SH2D3A: variants seen among roughly 807,000 people sequenced by gnomAD.
SH2D3A encodes the protein SH2 domain-containing protein 3A.
SH2D3A carries 46 observed loss-of-function variants against 50.6 expected under a neutral mutation model. The ratio of observed to expected loss-of-function variants is 0.91; its 90% CI spans 0.72 to 1.16. The LOEUF (loss-of-function observed/expected upper bound fraction) is 1.16, where lower values mean the gene tolerates loss of function less well. Ranked by LOEUF, SH2D3A falls within the 50% of genes most tolerant of loss-of-function variation. The pLI is 0.00. For synonymous variants in SH2D3A, 377 were observed against 348.4 expected (o/e 1.08, Z -0.91); for missense variants, 783 against 786.2 (o/e 1.00, Z 0.05).
chr19:6,754,980 T>A lies in SH2D3A; in HGVS notation c.832A>T (p.Ile278Phe). 6.2e-7 allele frequency: 1 copy of A among 1,613,806 alleles called. No homozygotes were observed. Among genetic ancestry groups the A allele is most frequent in the Non-Finnish European group, 8.5e-7 (1 of 1,179,926 alleles). ...NRCFTRPQAEISFCPHDAPSC... is the reference protein window; with the variant it reads ...NRCFTRPQAEFSFCPHDAPSC... ...GGGGCATCATGGGGGCAGAAAGAGATCTCAGCCTGTGGTCTTGTAAAACAT... is the reference window on the plus strand; with the variant it reads ...GGGGCATCATGGGGGCAGAAAGAGAACTCAGCCTGTGGTCTTGTAAAACAT... The change falls in exon 5 of 10, where the codon ATC becomes TTC. Residue 278 changes from isoleucine to phenylalanine, a missense_variant. By Grantham distance (21) the Ile-to-Phe change is conservative (BLOSUM62 0). Transcript: ENST00000245908.
chr19:6,766,971 A>G lies in SH2D3A; in HGVS notation c.-69+416T>C, dbSNP rs533134462. ...GATGGACTTGCTTTTTACATTTTACATCATCAAGGCGGCTGGTGTAGCCGG... is the reference window on the plus strand; with the variant it reads ...GATGGACTTGCTTTTTACATTTTACGTCATCAAGGCGGCTGGTGTAGCCGG... On this transcript the variant is annotated intron_variant, in intron 1 of 9. Transcript: ENST00000245908. 5.3e-5 allele frequency among the ~76,000 whole-genome samples: 8 copies of G among 152,280 alleles called. No homozygotes were observed. The South Asian group carries it at 1.7e-3, about 32-fold the overall frequency.
At chr19:6,753,254 C>T (rs1969428342) in intron 9 of SH2D3A, 1 of 985,246 alleles carries the variant, frequency 1.0e-6, no homozygotes, top group South Asian at 4.7e-5. Flanking sequence ...TTGAGGTGGA[C>T]GGCCCTGTTC....
At chr19:6,763,914 T>TTTTTTG in intron 1 of SH2D3A, 98 bp from the exon 2 acceptor site, 1 of 417,998 alleles carries the variant, frequency 2.4e-6, no homozygotes, top group Non-Finnish European at 4.2e-6. Flanking sequence ...TCTTTTTTTT[T>TTTTTTG]TTTTTTTTTT....
Position 6,752,853 on chromosome 19 carries a change from A to T in SH2D3A, c.1571-100T>A, listed in dbSNP as rs1056352125. ...CCTTTCCCCAGAGGACTTTGACCCA[A>T]CAGGGGCCCGGGAGGGACCTGCCCC... On this transcript the variant is annotated intron_variant, in intron 9 of 9. Coordinates refer to ENST00000245908, the MANE Select transcript of SH2D3A (RefSeq NM_005490.3). 2.8e-6 allele frequency: 4 copies of T among 1,417,050 alleles called. No individual in the cohort carries two copies. In the Admixed American group the frequency reaches 8.7e-5, roughly 31 times the overall value. The allele number at this position is 1,417,050 out of a possible 1,614,324, so 87.8% of individuals were successfully genotyped here.
intron 1 of SH2D3A, among the ~76,000 whole-genome samples, chr19:6,766,373 A>T (rs902053852): frequency 1.4e-5 from 2 of 138,336 alleles, no homozygotes; most frequent in African/African-American, 3.0e-5. Flanking sequence ...CAACTAAGCC[A>T]TCTCCTGCCT....
chr19:6,761,046 G>T, intron 2 of SH2D3A, 59 bp from the exon 3 acceptor site: 3 of 1,346,194 alleles, frequency 2.2e-6, no homozygotes, highest in South Asian at 1.4e-5. Context: ...AGTGGTTAAT[G>T]GTAGCTCCCC....
rs559646622 is a variant in SH2D3A at position 6,762,433 on chromosome 19, C to T, written c.69+1247G>A. On this transcript the variant is annotated intron_variant, in intron 2 of 9. Coordinates refer to ENST00000245908, the MANE Select transcript of SH2D3A (RefSeq NM_005490.3). ...CTCCTGACTTCAGGTGATCTACCCACCTCGGCCTCCCAAAGTGCTAGGATT... is the reference window on the plus strand; with the variant it reads ...CTCCTGACTTCAGGTGATCTACCCATCTCGGCCTCCCAAAGTGCTAGGATT... 1.3e-4 allele frequency among the ~76,000 whole-genome samples: 19 copies of T among 151,844 alleles called. No homozygotes were observed. In the South Asian group the frequency reaches 3.5e-3, roughly 28 times the overall value.
chr19:6,761,287 G>C (rs570133086), intron 2 of SH2D3A: 3 of 339,926 alleles, frequency 8.8e-6, no homozygotes, highest in Non-Finnish European at 1.1e-5. Flanking sequence ...AAACCCTGCT[G>C]CACAATCTTA....
At chr19:6,756,171 T>G (rs1231619805) in intron 4 of SH2D3A, among the ~76,000 whole-genome samples, 2 of 148,154 alleles carry the variant, frequency 1.3e-5, no homozygotes, top group Non-Finnish European at 3.0e-5. Context: ...ATATAATATA[T>G]ATTTAAATTA....
At chr19:6,757,125 A>G (rs1288595408) in intron 4 of SH2D3A, among the ~76,000 whole-genome samples, 2 of 151,808 alleles carry the variant, frequency 1.3e-5, no homozygotes, top group African/African-American at 2.4e-5. Context: ...TTGGCCTCCC[A>G]AAGTGCTGGG....
At chr19:6,757,891 C>G (rs866834992) in intron 4 of SH2D3A, 3 of 152,046 alleles carry the variant, frequency 2.0e-5, no homozygotes, top group Non-Finnish European at 4.4e-5. Flanking sequence ...TGCAGTGAGC[C>G]GGTATCACGC....
At position 6,755,176 on chromosome 19, in the gene SH2D3A, C is replaced by T; in HGVS notation, c.636G>A (p.Lys212=). The T allele has an allele frequency of 1.3e-6, 2 of 1,598,678 alleles. No homozygotes were observed. The highest frequency in any genetic ancestry group is 1.7e-6 in the Non-Finnish European group (2 of 1,170,502). Residue 212 remains lysine (K), a synonymous_variant, in exon 5 of 10, where the codon AAG becomes AAA. Transcript: ENST00000245908. ...GTTCGAAGGAGGGTGTCCGGGGGGG[C>T]TTCGTTGGTGCCTTGGCTTGAAGCT... ...DGQLQAKAPT[K]PPRTPSFELP... is the part of the protein sequence containing the mutation.
Position 6,754,899 on chromosome 19 carries a change from G to C in SH2D3A, c.913C>G (p.Leu305Val). ...TGGTGCTCCAGGAACAGGCCACGGAGGGTATGCAGGACTTGGGGTTCCAGG... is the reference window on the plus strand; with the variant it reads ...TGGTGCTCCAGGAACAGGCCACGGACGGTATGCAGGACTTGGGGTTCCAGG... ...RPLEPQVLHT[L>V]RGLFLEHHPG... Residue 305 changes from leucine (L) to valine (V), a missense_variant, in exon 5 of 10, where the codon CTC becomes GTC. Transcript: ENST00000245908. 6.2e-7 allele frequency: 1 copy of C among 1,607,416 alleles called. No individual in the cohort carries two copies.
At chr19:6,764,685 T>C in intron 1 of SH2D3A, among the ~76,000 whole-genome samples, 1 of 151,854 alleles carries the variant, frequency 6.6e-6, no homozygotes, top group East Asian at 1.9e-4. Flanking sequence ...TGGGATATAA[T>C]GAAAGTACAG....
Position 6,755,160 on chromosome 19 carries a change from AG to A in SH2D3A, c.651del (p.Ser218ProfsTer107), listed in dbSNP as rs778302722. ...AKAPTKPPRTPSFELPDASER... is the reference protein window; with the variant it reads ...AKAPTKPPRTXSFELPDASER... ...TCAGAGGCATCAGGCAGTTCGAAGG[AG>A]GGTGTCCGGGGGGGCTTCGTTGGTG... is the stretch of plus-strand genomic sequence containing the variant. On this transcript the variant is annotated frameshift_variant, in exon 5 of 10. Transcript: ENST00000245908. LOFTEE classifies it high-confidence loss of function. 46 of 1,607,910 alleles carry A rather than the reference AG, an allele frequency of 2.9e-5. No homozygotes were observed. The African/African-American group carries it at 4.9e-4, about 17-fold the overall frequency.
In SH2D3A at chr19:6,759,791, T is replaced by C. The variant is rs151013712; in HGVS notation, c.420-121A>G. The C allele has an allele frequency of 1.9e-3, 1,759 of 931,272 alleles. 22 individuals are homozygous for C. In the African/African-American group the frequency reaches 0.026, roughly 14 times the overall value. 57.7% of individuals were successfully genotyped at this position (931,272 alleles called of 1,614,324 possible). A position where few individuals can be genotyped will look rare whatever the true frequency, so the allele number is the denominator to read the frequency against. ...TGAGTCTCAACCAATCAAGGTGACCTACGTCCAGGGGACTCTTAGCAACGT... is the reference window on the plus strand; with the variant it reads ...TGAGTCTCAACCAATCAAGGTGACCCACGTCCAGGGGACTCTTAGCAACGT... On this transcript the variant is annotated intron_variant, in intron 3 of 9. Coordinates refer to ENST00000245908, the MANE Select transcript of SH2D3A (RefSeq NM_005490.3).
At chr19:6,755,713 T>G (rs1220807529) in intron 4 of SH2D3A, among the ~76,000 whole-genome samples, 1 of 152,044 alleles carries the variant, frequency 6.6e-6, no homozygotes, top group Admixed American at 6.6e-5. Flanking sequence ...TACTACATTT[T>G]AAATTTGAAT....
At position 6,759,682 on chromosome 19, in the gene SH2D3A, A is replaced by C; in HGVS notation, c.420-12T>G. ...TCCACTTCCTTGCCCTGGGGGACAG[A>C]AGTGGGAGAAACCTGTAGTCCCCAC... On this transcript the variant is annotated splice_polypyrimidine_tract_variant and intron_variant, in intron 3 of 9. Transcript: ENST00000245908. 3.1e-6 allele frequency: 5 copies of C among 1,613,380 alleles called. No individual in the cohort carries two copies. The highest frequency in any genetic ancestry group is 4.2e-6 in the Non-Finnish European group (5 of 1,179,532).
chr19:6,764,812 T>C (rs10403119), intron 1 of SH2D3A, among the ~76,000 whole-genome samples: 39,359 of 150,720 alleles, frequency 0.26, 5,920 homozygotes, highest in African/African-American at 0.42. Flanking sequence ...CTCAAGTGAT[T>C]CTCCCACCTC....
Sources: allele counts gnomAD v4.1 joint callset (sites outside exome capture counted in the v4.1 genomes callset), GRCh38; gene constraint gnomAD v4.1.1; transcripts MANE v1.5; gene names NCBI Gene and HGNC (gene_info 2026-07-23, HGNC 2026-07-21).